TRIM7: variants seen among roughly 807,000 people sequenced by gnomAD.
TRIM7 encodes the protein tripartite motif containing 7, also known as E3 ubiquitin-protein ligase TRIM7.
A neutral mutation model predicts 37.9 loss-of-function variants in TRIM7; 32 were observed. The ratio of observed to expected loss-of-function variants is 0.84; its 90% CI spans 0.64 to 1.13. The LOEUF (loss-of-function observed/expected upper bound fraction) is 1.13. Ranked by LOEUF, TRIM7 falls within the 50% of genes most tolerant of loss-of-function variation. The pLI is 0.00. For missense variants in TRIM7, 732 were observed against 714.0 expected (o/e 1.03, Z -0.29); for synonymous variants, 351 against 321.3 (o/e 1.09, Z -0.99).
chr5:181,195,461 G>A lies in TRIM7; in HGVS notation c.1241C>T (p.Ala414Val). 1 of 1,611,540 alleles carries A rather than the reference G, an allele frequency of 6.2e-7. No homozygotes were observed. The highest frequency in any genetic ancestry group is 8.5e-7 in the Non-Finnish European group (1 of 1,179,342). The change falls in exon 7 of 7, where the codon GCC becomes GTC. Residue 414 changes from alanine (A) to valine (V), a missense_variant. By Grantham distance (64) the Ala-to-Val change is moderately conservative (BLOSUM62 0). Transcript: ENST00000274773. ...GSKDGWAFGVARESVRRKGLT... is the reference protein window; with the variant it reads ...GSKDGWAFGVVRESVRRKGLT... ...GCCCTTTCGGCGCACGCTCTCGCGG[G>A]CCACGCCAAAGGCCCAGCCGTCCTT...
In TRIM7 at chr5:181,204,961, G is replaced by T. The variant is rs1561653502; in HGVS notation, c.150C>A (p.Arg50=). The T allele has an allele frequency of 6.8e-7, 1 of 1,471,524 alleles. No homozygotes were observed. The highest frequency in any genetic ancestry group is 2.5e-5 in the Admixed American group (1 of 39,670). The allele number at this position is 1,471,524 out of a possible 1,614,324, so 91.2% of individuals were successfully genotyped here. A position where few individuals can be genotyped will look rare whatever the true frequency, so the allele number is the denominator to read the frequency against. ...GCTCCCAGCAGCGCCCTATGCAGGCGCGGCAGAAGCTGTGGCCGCACTCGA... is the reference window on the plus strand; with the variant it reads ...GCTCCCAGCAGCGCCCTATGCAGGCTCGGCAGAAGCTGTGGCCGCACTCGA... ...VSVECGHSFC[R]ACIGRCWERP... The change falls in exon 1 of 7, where the codon CGC becomes CGA. Residue 50 remains arginine, a synonymous_variant. Coordinates refer to ENST00000274773, the MANE Select transcript of TRIM7 (RefSeq NM_203293.3).
In TRIM7 at chr5:181,194,252, A is replaced by G. The variant is rs575064677; in HGVS notation, c.*914T>C. On this transcript the variant is annotated 3_prime_UTR_variant, in exon 7 of 7. Transcript: ENST00000274773. The stretch of plus-strand genomic sequence containing the variant: ...TTCAAAGTTCCAGAAGCAAAAACAA[A>G]AAAAGTTCGGGTACAGCGGCTCACA... The G allele has an allele frequency of 6.6e-6, 1 of 152,402 alleles. No individual in the cohort carries two copies. The highest frequency in any genetic ancestry group is 2.1e-4 in the South Asian group (1 of 4,832). 9.4% of individuals were successfully genotyped at this position (152,402 alleles called of 1,614,324 possible).
intron 2 of TRIM7, chr5:181,200,579 G>A (rs1407986728): frequency 2.0e-6 from 2 of 1,005,530 alleles, no homozygotes; most frequent in East Asian, 1.0e-4. Flanking sequence ...ACAAAACTTG[G>A]GAGATGTAGG....
intron 2 of TRIM7, chr5:181,200,958 C>T (rs1338135811): frequency 1.0e-6 from 1 of 983,002 alleles, no homozygotes; most frequent in African/African-American, 1.8e-5. Context: ...TGGATATTAA[C>T]TCCCTCAACC....
chr5:181,204,156 C>T (rs907208732), intron 1 of TRIM7: 1 of 1,004,462 alleles, frequency 1.0e-6, no homozygotes, highest in African/African-American at 1.7e-5. Context: ...GGTCCTCTCA[C>T]TCAGTTCCAC....
intron 1 of TRIM7, 126 bp downstream of exon 1, chr5:181,204,463 G>T: frequency 8.5e-7 from 1 of 1,182,102 alleles, no homozygotes. Flanking sequence ...CTGGAATGGA[G>T]AAAGAAGGGA....
chr5:181,201,850 G>C (rs114194586), intron 2 of TRIM7, among the ~76,000 whole-genome samples: 3,344 of 152,322 alleles, frequency 0.022, 130 homozygotes, highest in African/African-American at 0.076. Context: ...CTGTGAAGCT[G>C]CCGCCGGTGC....
At position 181,200,580 on chromosome 5, in the gene TRIM7, G is replaced by A. The variant is rs139035089; in HGVS notation, c.619-499C>T. ...CACATGCTCAAAATACAAAACTTGG[G>A]AGATGTAGGAAAGTAGAAAGAAGGA... On this transcript the variant is annotated intron_variant, in intron 2 of 6. Coordinates refer to ENST00000274773, the MANE Select transcript of TRIM7 (RefSeq NM_203293.3). 6.7e-4 allele frequency: 677 copies of A among 1,006,082 alleles called. 4 individuals carry two copies. In the African/African-American group the frequency reaches 0.011, roughly 16 times the overall value. 62.3% of individuals were successfully genotyped at this position (1,006,082 alleles called of 1,614,324 possible).
chr5:181,195,750 G>C, intron 6 of TRIM7, 73 bp from the exon 7 acceptor site: 2 of 1,487,594 alleles, frequency 1.3e-6, no homozygotes, highest in African/African-American at 2.9e-5. Context: ...GGCCGCGCCC[G>C]ACCTTGCTTT....
At chr5:181,199,630 G>C in intron 3 of TRIM7, 2 of 674,600 alleles carry the variant, frequency 3.0e-6, no homozygotes, top group South Asian at 2.3e-5. Flanking sequence ...TCAAGCTTGT[G>C]ATTCTGAAAT....
At chr5:181,200,441 T>G in intron 2 of TRIM7, 1 of 1,240,030 alleles carries the variant, frequency 8.1e-7, no homozygotes, top group African/African-American at 1.5e-5. Flanking sequence ...AACCATAGGA[T>G]TAAACTGAGA....
In TRIM7 at chr5:181,195,567, G is replaced by C; in HGVS notation, c.1135C>G (p.Arg379Gly). 6 of 1,608,486 alleles carry C rather than the reference G, an allele frequency of 3.7e-6. No homozygotes were observed. Among genetic ancestry groups the C allele is most frequent in the Non-Finnish European group, 5.1e-6 (6 of 1,176,292 alleles). Residue 379 changes from arginine to glycine, a missense_variant, in exon 7 of 7, where the codon CGC (arginine) becomes GGC (glycine). Physicochemically the swap from Arg to Gly is moderately radical, Grantham distance 125. Transcript: ENST00000274773. ...AGGACGCGGGTGTTGGTGTCGAAGC[G>C]GCAGGGGTGGTTGGGCAGGTCCTGG... ...RAQDLPNHPC[R>G]FDTNTRVLAS... is the part of the protein sequence containing the mutation.
Position 181,204,584 on chromosome 5 carries a change from C to A in TRIM7, c.522+5G>T. 1 of 1,398,922 alleles carries A rather than the reference C, an allele frequency of 7.1e-7. No homozygotes were observed. The highest frequency in any genetic ancestry group is 9.2e-7 in the Non-Finnish European group (1 of 1,083,546). 86.7% of individuals were successfully genotyped at this position (1,398,922 alleles called of 1,614,324 possible). On this transcript the variant is annotated splice_donor_5th_base_variant and intron_variant, in intron 1 of 6. Coordinates refer to ENST00000274773, the MANE Select transcript of TRIM7 (RefSeq NM_203293.3). ...ACCCACGGGGTGGGTGGGGGCTGCG[C>A]TCACCTTGGCCTCCTGCACCGCCTC...
At chr5:181,198,079 C>G in intron 6 of TRIM7, 104 bp downstream of exon 6, 2 of 1,299,342 alleles carry the variant, frequency 1.5e-6, no homozygotes, top group South Asian at 2.5e-5. Context: ...GGTGGGTGGG[C>G]TGAAGGAACC....
intron 1 of TRIM7, 41 bp downstream of exon 1, chr5:181,204,548 G>T: frequency 7.5e-7 from 1 of 1,328,390 alleles, no homozygotes; most frequent in Non-Finnish European, 9.6e-7. Context: ...CCAAGTCAGG[G>T]GGTCCCGGGG....
Position 181,198,782 on chromosome 5 carries a change from T to C in TRIM7, c.896A>G (p.Lys299Arg). The change falls in exon 5 of 7, where the codon AAG becomes AGG. Residue 299 changes from lysine to arginine, a missense_variant. By Grantham distance (26) the Lys-to-Arg change is conservative. Transcript: ENST00000274773. ...LSRCSNVPGP[K>R]PTTVSSEMKN... is the part of the protein sequence containing the mutation. ...CATCTCAGAAGAGACTGTGGTTGGCTTGGGGCCAGGCACATTGCTACACCT... is the reference window on the plus strand; with the variant it reads ...CATCTCAGAAGAGACTGTGGTTGGCCTGGGGCCAGGCACATTGCTACACCT... The C allele has an allele frequency of 1.9e-6, 3 of 1,614,014 alleles. No homozygotes were observed. Among genetic ancestry groups the C allele is most frequent in the Non-Finnish European group, 2.5e-6 (3 of 1,179,916 alleles).
chr5:181,203,616 C>A lies in TRIM7; in HGVS notation c.547G>T (p.Val183Phe), dbSNP rs780763656. Residue 183 changes from valine to phenylalanine, a missense_variant, in exon 2 of 7, where the codon GTC becomes TTC. By Grantham distance (50) the Val-to-Phe change is conservative. Transcript: ENST00000274773. ...AKELLESRLR[V>F]LKKELEDCEV... is the part of the protein sequence containing the mutation. ...CAGTCCTCCAGTTCCTTCTTCAAGACCCTCAGCCTGGACTCCAAGAGCTCC... is the reference window on the plus strand; with the variant it reads ...CAGTCCTCCAGTTCCTTCTTCAAGAACCTCAGCCTGGACTCCAAGAGCTCC... 6.8e-6 allele frequency: 11 copies of A among 1,613,240 alleles called. No homozygotes were observed. The highest frequency in any genetic ancestry group is 9.3e-6 in the Non-Finnish European group (11 of 1,179,764).
At position 181,204,669 on chromosome 5, in the gene TRIM7, T is replaced by A; in HGVS notation, c.442A>T (p.Ile148Phe). Residue 148 changes from isoleucine (I) to phenylalanine (F), a missense_variant, in exon 1 of 7, where the codon ATC becomes TTC. By Grantham distance (21) the Ile-to-Phe change is conservative. Coordinates refer to ENST00000274773, the MANE Select transcript of TRIM7 (RefSeq NM_203293.3). The stretch of plus-strand genomic sequence containing the variant: ...CGGGCGCGGTCGCACACCACGCAGA[T>A]GGCGCGTCCGTCGTCCTGGCAGTAG... Reference protein sequence around the residue: ...KLYCQDDGRAICVVCDRAREH... With the variant: ...KLYCQDDGRAFCVVCDRAREH... The A allele has an allele frequency of 6.6e-7, 1 of 1,513,798 alleles. No homozygotes were observed. The highest frequency in any genetic ancestry group is 8.8e-7 in the Non-Finnish European group (1 of 1,142,380). The allele number at this position is 1,513,798 out of a possible 1,614,324, so 93.8% of individuals were successfully genotyped here. A position where few individuals can be genotyped will look rare whatever the true frequency, so the allele number is the denominator to read the frequency against.
At chr5:181,198,394 C>A in intron 5 of TRIM7, 176 bp from the exon 6 acceptor site, 1 of 704,688 alleles carries the variant, frequency 1.4e-6, no homozygotes. Flanking sequence ...GGCCCATACC[C>A]AAGCATTCTA....
Sources: allele counts gnomAD v4.1 joint callset (sites outside exome capture counted in the v4.1 genomes callset), GRCh38; gene constraint gnomAD v4.1.1; transcripts MANE v1.5; gene names NCBI Gene and HGNC (gene_info 2026-07-23, HGNC 2026-07-21).